Variants in TMEM154 observed in about 807,000 individuals in gnomAD.
TMEM154 encodes the protein transmembrane protein 154.
Under a neutral mutation model 24.5 loss-of-function variants are expected in TMEM154, and 27 were observed. That is an observed-to-expected ratio of 1.10 (90% CI 0.81 to 1.52). The LOEUF (loss-of-function observed/expected upper bound fraction) is 1.52, where lower values mean the gene tolerates loss of function less well. TMEM154 is among the 40% of genes most tolerant of loss of function. The pLI is 0.00. For synonymous variants in TMEM154, 67 were observed against 76.8 expected (o/e 0.87, Z 0.67); for missense variants, 228 against 213.4 (o/e 1.07, Z -0.43).
Position 152,648,008 on chromosome 4 carries a change from C to T in TMEM154, c.365-3566G>A, listed in dbSNP as rs577355093. 5.3e-5 allele frequency among the ~76,000 whole-genome samples: 8 copies of T among 151,922 alleles called. No homozygotes were observed. In the South Asian group the frequency reaches 8.3e-4, roughly 16 times the overall value. ...AGCTCTTGGTTCTCCTGGACCTTAA[C>T]GACCACATCACCCAGAAAGAAAAGA... On this transcript the variant is annotated intron_variant, in intron 3 of 6. Coordinates refer to ENST00000304385, the MANE Select transcript of TMEM154 (RefSeq NM_152680.3).
chr4:152,661,052 G>A (rs183763260), intron 1 of TMEM154, among the ~76,000 whole-genome samples: 49 of 152,232 alleles, frequency 3.2e-4, no homozygotes, highest in South Asian at 6.2e-4. Context: ...AAAGAGAAAC[G>A]GAAAGAAGCA....
chr4:152,632,594 C>T (rs1377662229), intron 6 of TMEM154, among the ~76,000 whole-genome samples: 8 of 152,154 alleles, frequency 5.3e-5, no homozygotes, highest in Non-Finnish European at 1.2e-4. Flanking sequence ...CACAGTATAC[C>T]TCTCCATTCG....
chr4:152,671,977 G>A (rs914252958), intron 1 of TMEM154, among the ~76,000 whole-genome samples: 51 of 151,584 alleles, frequency 3.4e-4, no homozygotes, highest in African/African-American at 1.2e-3. Flanking sequence ...GGGTGTGGCT[G>A]GGCTCAATGT....
intron 1 of TMEM154, among the ~76,000 whole-genome samples, chr4:152,678,425 A>C (rs951853608): frequency 1.3e-5 from 2 of 152,024 alleles, no homozygotes; most frequent in Non-Finnish European, 2.9e-5. Context: ...AGTGTTGTGC[A>C]ATAGAAGAGG....
intron 6 of TMEM154, among the ~76,000 whole-genome samples, chr4:152,631,827 CAG>C (rs1468605816): frequency 1.2e-5 from 1 of 81,904 alleles, no homozygotes; most frequent in South Asian, 4.4e-4. Flanking sequence ...TTTTTTGAGA[CAG>C]AGTCTCGCTC....
chr4:152,657,278 A>C (rs4130253), intron 1 of TMEM154, among the ~76,000 whole-genome samples: 88,058 of 150,636 alleles, frequency 0.58, 25,908 homozygotes, highest in Admixed American at 0.63. Flanking sequence ...CTTTGGGAGG[A>C]CAAGGAGGGC....
At chr4:152,652,205 T>C (rs1359249109) in intron 3 of TMEM154, among the ~76,000 whole-genome samples, 1 of 151,140 alleles carries the variant, frequency 6.6e-6, no homozygotes, top group Non-Finnish European at 1.5e-5. Context: ...AAAGTAAACA[T>C]GTGCTGTTGA....
At position 152,628,354 on chromosome 4, in the gene TMEM154, A is replaced by T; in HGVS notation, c.*192T>A. 2 of 970,280 alleles carry T rather than the reference A, an allele frequency of 2.1e-6. No individual in the cohort carries two copies. The highest frequency in any genetic ancestry group is 3.2e-6 in the Non-Finnish European group (2 of 630,594). 60.1% of individuals were successfully genotyped at this position (970,280 alleles called of 1,614,324 possible). The stretch of plus-strand genomic sequence containing the variant: ...GCCAGGCCTTTTCCTAGTACTTCTC[A>T]ATTGCACATTCTTCCAAGTGCAAGT... On this transcript the variant is annotated 3_prime_UTR_variant, in exon 7 of 7. Transcript: ENST00000304385.
At chr4:152,636,091 T>C (rs1290610401) in intron 6 of TMEM154, among the ~76,000 whole-genome samples, 1 of 152,220 alleles carries the variant, frequency 6.6e-6, no homozygotes, top group Non-Finnish European at 1.5e-5. Flanking sequence ...AGAGTCATGA[T>C]AAAAGGGACT....
At chr4:152,660,260 T>C (rs539860954) in intron 1 of TMEM154, among the ~76,000 whole-genome samples, 173 of 152,146 alleles carry the variant, frequency 1.1e-3, no homozygotes, top group African/African-American at 4.1e-3. Flanking sequence ...GACTGGTACA[T>C]ATGGGTATGA....
intron 6 of TMEM154, among the ~76,000 whole-genome samples, chr4:152,635,366 A>G (rs1205136871): frequency 1.3e-5 from 2 of 152,238 alleles, no homozygotes; most frequent in Non-Finnish European, 2.9e-5. Flanking sequence ...TTTAAAAGAA[A>G]CTTTTCTCTA....
intron 6 of TMEM154, among the ~76,000 whole-genome samples, chr4:152,632,137 C>G (rs934451335): frequency 1.3e-5 from 2 of 152,130 alleles, no homozygotes; most frequent in Admixed American, 6.5e-5. Flanking sequence ...TGATTTCTGA[C>G]TTGTGTGTCA....
chr4:152,667,351 C>G (rs998231251), intron 1 of TMEM154, among the ~76,000 whole-genome samples: 13 of 152,144 alleles, frequency 8.5e-5, no homozygotes, highest in Non-Finnish European at 1.5e-4. Flanking sequence ...ATTTTTCGAA[C>G]ATACAAGGGA....
intron 1 of TMEM154, among the ~76,000 whole-genome samples, chr4:152,672,453 A>C (rs1447091893): frequency 6.6e-6 from 1 of 152,232 alleles, no homozygotes; most frequent in Non-Finnish European, 1.5e-5. Context: ...TCACTGATTA[A>C]TTAGGACAAG....
At chr4:152,679,817 C>T in intron 1 of TMEM154, 53 bp downstream of exon 1, 1 of 1,575,856 alleles carries the variant, frequency 6.3e-7, no homozygotes, top group Non-Finnish European at 8.6e-7. Flanking sequence ...CTCGGGCACC[C>T]TACCAGCTTT....
chr4:152,646,760 T>G (rs1728249667), intron 3 of TMEM154: 2 of 579,746 alleles, frequency 3.4e-6, no homozygotes, highest in Non-Finnish European at 6.1e-6. Context: ...TGGGGTTGTC[T>G]GGTGGAGGCT....
intron 1 of TMEM154, 44 bp from the exon 2 acceptor site, chr4:152,652,971 T>A (rs1728417321): frequency 6.6e-7 from 1 of 1,521,028 alleles, no homozygotes; most frequent in South Asian, 1.3e-5. Context: ...GGAGACAAAG[T>A]TAGTATGTTA....
chr4:152,643,003 G>C (rs1055169499), intron 5 of TMEM154, 85 bp downstream of exon 5: 1 of 1,013,956 alleles, frequency 9.9e-7, no homozygotes, highest in Non-Finnish European at 1.5e-6. Flanking sequence ...TCTCACTCCA[G>C]GATTTATTGA....
intron 6 of TMEM154, 144 bp from the exon 7 acceptor site, chr4:152,628,705 C>T (rs1331335073): frequency 4.5e-5 from 47 of 1,048,380 alleles, no homozygotes; most frequent in East Asian, 2.3e-4. Flanking sequence ...GGCACAATCT[C>T]GGCCCACTGC....
Sources: gnomAD v4.1 joint callset for allele counts (sites outside exome capture counted in the v4.1 genomes callset) on GRCh38, gnomAD v4.1.1 for gene constraint, MANE v1.5 for transcripts, NCBI Gene and HGNC (gene_info 2026-07-23, HGNC 2026-07-21) for gene names.